The following ABLIM2 variants were observed in gnomAD, a reference collection of about 807,000 sequenced individuals.
ABLIM2 encodes the protein actin binding LIM protein family member 2.
A neutral mutation model predicts 97.7 loss-of-function variants in ABLIM2; 53 were observed. The observed-to-expected ratio is 0.54, with a 90% confidence interval of 0.44 to 0.68. The LOEUF (loss-of-function observed/expected upper bound fraction) is 0.68, where lower values mean the gene tolerates loss of function less well. ABLIM2 is among the 30% of genes least tolerant of loss of function. The pLI is 0.00. For synonymous variants in ABLIM2, 361 were observed against 345.8 expected (o/e 1.04, Z -0.49); for missense variants, 835 against 867.2 (o/e 0.96, Z 0.47).
In ABLIM2 at chr4:8,124,888, T is replaced by C. The variant is rs529466893; in HGVS notation, c.11-18251A>G. Among the ~76,000 whole-genome samples, 11 of 152,336 alleles carry C rather than the reference T, an allele frequency of 7.2e-5. No homozygotes were observed. The East Asian group carries it at 1.5e-3, about 21-fold the overall frequency. On this transcript the variant is annotated intron_variant, in intron 1 of 20. Coordinates refer to ENST00000447017, the MANE Select transcript of ABLIM2 (RefSeq NM_001130083.2). The surrounding 1 kb of genome is among the most constrained non-coding windows in gnomAD (Gnocchi z 6.1). ...ACGCATCCCCACAGCCTGCTCTGGG[T>C]GTGCCTGCGATTTTGATCCAGCCAT...
intron 9 of ABLIM2, among the ~76,000 whole-genome samples, chr4:8,039,305 A>G (rs956634031): frequency 1.3e-5 from 2 of 152,180 alleles, no homozygotes; most frequent in African/African-American, 4.8e-5. Context: ...TCACCTGTCC[A>G]GCCCCACAGC....
At position 8,154,774 on chromosome 4, in the gene ABLIM2, C is replaced by A. The variant is rs374808684; in HGVS notation, c.10+3906G>T. On this transcript the variant is annotated intron_variant, in intron 1 of 20. Coordinates refer to ENST00000447017, the MANE Select transcript of ABLIM2 (RefSeq NM_001130083.2). ...CAGGGCCTGGAGCAGCGTGGGCTCA[C>A]GTATTAGTCTGTTCTCATGCTGCCA... Among the ~76,000 whole-genome samples, 4 of 152,258 alleles carry A rather than the reference C, an allele frequency of 2.6e-5. No individual in the cohort carries two copies. In the East Asian group the frequency reaches 7.7e-4, roughly 29 times the overall value.
chr4:8,117,685 T>C (rs1193359986), intron 1 of ABLIM2, among the ~76,000 whole-genome samples: 2 of 151,636 alleles, frequency 1.3e-5, no homozygotes, highest in South Asian at 2.1e-4. Context: ...TACCCTGTGA[T>C]CATCATTCTC....
At position 8,129,733 on chromosome 4, in the gene ABLIM2, C is replaced by CCT. The variant is rs57731841; in HGVS notation, c.11-23098_11-23097dup. On this transcript the variant is annotated intron_variant, in intron 1 of 20. Transcript: ENST00000447017. Reference sequence around the variant, plus strand: ...GCTGGGAGCAGAGACAGGTATGCTCCCTCTCTCTCTCTCTCTCTGTGGCTC... The same window carrying CCT: ...GCTGGGAGCAGAGACAGGTATGCTCCCTCTCTCTCTCTCTCTCTCTGTGGCTC... Among the ~76,000 whole-genome samples, 45 of 150,018 alleles carry CCT rather than the reference C, an allele frequency of 3.0e-4. No homozygotes were observed. The East Asian group carries it at 3.7e-3, about 12-fold the overall frequency.
chr4:7,968,128 C>T (rs1346717101), intron 20 of ABLIM2, among the ~76,000 whole-genome samples: 2 of 152,252 alleles, frequency 1.3e-5, no homozygotes, highest in African/African-American at 4.8e-5. Context: ...TTGCTCCCCT[C>T]GCCTCGCCTG....
In ABLIM2 at chr4:7,983,255, C is replaced by G. The variant is rs768663886; in HGVS notation, c.1824+9G>C. 6.2e-7 allele frequency: 1 copy of G among 1,606,966 alleles called. No homozygotes were observed. The highest frequency in any genetic ancestry group is 8.5e-7 in the Non-Finnish European group (1 of 1,177,272). ...AATGAGTCCCCTGCCCCGGCAGTCC[C>G]CCGCTTACCTCCAGTCTCGTCCGGT... On this transcript the variant is annotated intron_variant, in intron 20 of 20. Transcript: ENST00000447017.
intron 17 of ABLIM2, among the ~76,000 whole-genome samples, chr4:7,985,602 G>C (rs1242666416): frequency 6.6e-6 from 1 of 152,166 alleles, no homozygotes; most frequent in Non-Finnish European, 1.5e-5. Context: ...CGGCAGCTCT[G>C]CGTGTGACTG....
At chr4:8,141,615 C>A (rs1183577978) in intron 1 of ABLIM2, among the ~76,000 whole-genome samples, 1 of 152,194 alleles carries the variant, frequency 6.6e-6, no homozygotes, top group Non-Finnish European at 1.5e-5. Context: ...TTCCTGACCT[C>A]AAATGATCCT....
rs1802720172 is a variant in ABLIM2 at position 8,061,109 on chromosome 4, G to T, written c.676-55C>A. 3.4e-6 allele frequency: 5 copies of T among 1,482,440 alleles called. No homozygotes were observed. Among genetic ancestry groups the T allele is most frequent in the Non-Finnish European group, 4.6e-6 (5 of 1,086,416 alleles). 91.8% of individuals were successfully genotyped at this position (1,482,440 alleles called of 1,614,324 possible). ...CTACTAAAGCCAGAAAGGTCGGCTG[G>T]GTCCCAGCGCCCGGCATGGATACAG... On this transcript the variant is annotated intron_variant, in intron 6 of 20. Coordinates refer to ENST00000447017, the MANE Select transcript of ABLIM2 (RefSeq NM_001130083.2). This position sits in a 1 kb window ranked among gnomAD's most constrained non-coding sequence, Gnocchi z 4.5.
rs1810599994 is a variant in ABLIM2, at chr4:8,069,849, T to C, written c.675+7779A>G. ...TGTACGTGTCTGTGGGTGCCGTGTG[T>C]GTTTTCTGTGTGTCTGCGTTGTCGA... On this transcript the variant is annotated intron_variant, in intron 6 of 20. Transcript: ENST00000447017. This position sits in a 1 kb window ranked among gnomAD's most constrained non-coding sequence, Gnocchi z 4.2. Among the ~76,000 whole-genome samples the C allele has an allele frequency of 6.6e-6, 1 of 152,042 alleles. No individual in the cohort carries two copies. The highest frequency in any genetic ancestry group is 2.1e-4 in the South Asian group (1 of 4,830).
At chr4:8,094,667 T>G (rs958208666) in intron 3 of ABLIM2, among the ~76,000 whole-genome samples, 1 of 152,250 alleles carries the variant, frequency 6.6e-6, no homozygotes, top group Non-Finnish European at 1.5e-5. Context: ...CCGGGCTGTC[T>G]GCCCGTGTAT....
intron 1 of ABLIM2, among the ~76,000 whole-genome samples, chr4:8,152,953 A>T (rs1008652973): frequency 2.6e-5 from 4 of 152,174 alleles, no homozygotes; most frequent in African/African-American, 7.2e-5. Context: ...GGTAGGTTTT[A>T]CGGAGCCCTA....
rs1398560383 is a variant in ABLIM2, at chr4:7,996,502, T to C, written c.1619-3575A>G. Among the ~76,000 whole-genome samples the C allele has an allele frequency of 6.6e-6, 1 of 152,220 alleles. No individual in the cohort carries two copies. The highest frequency in any genetic ancestry group is 2.1e-4 in the South Asian group (1 of 4,832). ...GAAGGCCATTTTATCCTCCCCACTTTGACTATGATAGTCTCAGGGACGTCT... is the reference window on the plus strand; with the variant it reads ...GAAGGCCATTTTATCCTCCCCACTTCGACTATGATAGTCTCAGGGACGTCT... On this transcript the variant is annotated intron_variant, in intron 16 of 20. Transcript: ENST00000447017. The surrounding 1 kb of genome is among the most constrained non-coding windows in gnomAD (Gnocchi z 4.5).
intron 14 of ABLIM2, chr4:8,010,589 C>T (rs572269492): frequency 4.1e-6 from 4 of 984,702 alleles, no homozygotes; most frequent in East Asian, 1.1e-4. Flanking sequence ...TGAGCAGTTC[C>T]GTTCCGAATA....
rs200303600 is a variant in ABLIM2, at chr4:8,091,289, AAT to A, written c.339-3007_339-3006del. The stretch of plus-strand genomic sequence containing the variant: ...TGTGTGTATATATATAATTATATAT[AAT>A]ATTATATATTATATTATATATATAT... On this transcript the variant is annotated intron_variant, in intron 3 of 20. Coordinates refer to ENST00000447017, the MANE Select transcript of ABLIM2 (RefSeq NM_001130083.2). Among the ~76,000 whole-genome samples the A allele has an allele frequency of 5.9e-3, 270 of 45,668 alleles. 21 individuals are homozygous for A. Among genetic ancestry groups the A allele is most frequent in the Middle Eastern group, 0.015 (2 of 132 alleles). 30.0% of individuals were successfully genotyped at this position (45,668 alleles called of 152,430 possible). A position where few individuals can be genotyped will look rare whatever the true frequency, so the allele number is the denominator to read the frequency against.
chr4:8,088,543 T>C (rs1185023456), intron 3 of ABLIM2, among the ~76,000 whole-genome samples: 6 of 152,230 alleles, frequency 3.9e-5, no homozygotes, highest in Non-Finnish European at 7.3e-5. Context: ...AAGGTGGTGG[T>C]GAGGACCAGC....
chr4:8,094,896 T>C (rs1830606244), intron 3 of ABLIM2, among the ~76,000 whole-genome samples: 1 of 151,804 alleles, frequency 6.6e-6, no homozygotes, highest in Non-Finnish European at 1.5e-5. Flanking sequence ...CAACTAGTAA[T>C]TCCTTCCCTC....
Position 7,999,706 on chromosome 4 carries a change from G to C in ABLIM2, c.1619-6779C>G, listed in dbSNP as rs1240729539. Among the ~76,000 whole-genome samples the C allele has an allele frequency of 2.6e-5, 4 of 152,176 alleles. No individual in the cohort carries two copies. ...CAGGGAGAAGGCAGGTAGGGGGCCA[G>C]GAGCATGGCGGCAACTGGGTAGTCC... On this transcript the variant is annotated intron_variant, in intron 16 of 20. Coordinates refer to ENST00000447017, the MANE Select transcript of ABLIM2 (RefSeq NM_001130083.2). The surrounding 1 kb of genome is among the most constrained non-coding windows in gnomAD (Gnocchi z 4.4).
chr4:7,984,069 C>T (rs1364839325), intron 18 of ABLIM2, among the ~76,000 whole-genome samples: 2 of 152,196 alleles, frequency 1.3e-5, no homozygotes, highest in Non-Finnish European at 2.9e-5. Context: ...CGTCTTATCA[C>T]GAAAATGAAA....
Sources: gnomAD v4.1 joint callset for allele counts (sites outside exome capture counted in the v4.1 genomes callset) on GRCh38, gnomAD v4.1.1 for gene constraint, Gnocchi (gnomAD v3.1) non-coding constraint, MANE v1.5 for transcripts, NCBI Gene and HGNC (gene_info 2026-07-23, HGNC 2026-07-21) for gene names.